The following MED16 variants were observed in gnomAD, a reference collection of about 807,000 sequenced individuals.
The protein encoded by MED16 is mediator of RNA polymerase II transcription subunit 16.
In MED16, 81 loss-of-function variants were observed where a neutral mutation model predicts 84.4. That is an observed-to-expected ratio of 0.96 (90% confidence interval 0.80 to 1.15). The LOEUF (loss-of-function observed/expected upper bound fraction) is 1.15, where lower values mean the gene tolerates loss of function less well. Ranked by LOEUF, MED16 falls within the 50% of genes most tolerant of loss-of-function variation. The pLI is 0.00. For synonymous variants in MED16, 897 were observed against 552.2 expected (o/e 1.62, Z -8.76); for missense variants, 1,585 against 1,245.9 (o/e 1.27, Z -4.10).
chr19:872,739 C>G (rs926528198), intron 11 of MED16, among the ~76,000 whole-genome samples: 15 of 151,596 alleles, frequency 9.9e-5, no homozygotes, highest in African/African-American at 3.6e-4. Flanking sequence ...GACTTGATTT[C>G]AAGGCCGCCC....
chr19:868,140 G>A lies in MED16; in HGVS notation c.2595C>T (p.Pro865=), dbSNP rs1383568907. The change falls in exon 16 of 16, where the codon CCC becomes CCT. Residue 865 remains proline (P), a synonymous_variant. Coordinates refer to ENST00000325464, the MANE Select transcript of MED16 (RefSeq NM_005481.3). ...PQSTHHSPRT[P]RSLDHLHPED... Reference sequence around the variant, plus strand: ...CTGGATGCAGATGGTCCAGGGATCTGGGGGTCCTGGGAGAGTGGTGTGTGG... The same window carrying A: ...CTGGATGCAGATGGTCCAGGGATCTAGGGGTCCTGGGAGAGTGGTGTGTGG... 6 of 1,611,280 alleles carry A rather than the reference G, an allele frequency of 3.7e-6. No individual in the cohort carries two copies. Among genetic ancestry groups the A allele is most frequent in the Non-Finnish European group, 4.2e-6 (5 of 1,179,274 alleles).
At chr19:884,175 G>A (rs543433916) in intron 6 of MED16, among the ~76,000 whole-genome samples, 5 of 152,276 alleles carry the variant, frequency 3.3e-5, no homozygotes, top group Non-Finnish European at 4.4e-5. Context: ...CTCATCTACC[G>A]GGAAAACATC....
At position 871,170 on chromosome 19, in the gene MED16, T is replaced by C; in HGVS notation, c.2182A>G (p.Ser728Gly). 1 of 1,549,092 alleles carries C rather than the reference T, an allele frequency of 6.5e-7. No homozygotes were observed. The highest frequency in any genetic ancestry group is 8.7e-7 in the Non-Finnish European group (1 of 1,146,100). Residue 728 changes from serine to glycine, a missense_variant, in exon 13 of 16, where the codon AGC (serine) becomes GGC (glycine). Ser to Gly is a moderately conservative substitution (Grantham distance 56). Transcript: ENST00000325464. ...TCGCTGGCTGGCAGCCAGTCCAGGC[T>C]GGGGATAAGCAGCTGGCTGGGCAGC... ...CLLPSQLLIP[S>G]LDWLPASDGL...
At chr19:880,210 G>A (rs1251879962) in intron 7 of MED16, 62 bp from the exon 8 acceptor site, 11 of 1,475,720 alleles carry the variant, frequency 7.5e-6, no homozygotes, top group Non-Finnish European at 7.2e-6. Flanking sequence ...CCGGGGGAGG[G>A]GCCTCCTGCT....
rs766152476 is a variant in MED16 at position 881,593 on chromosome 19, C to G, written c.1107G>C (p.Lys369Asn). ...GGTAGAACTGTGTGTCGCTGGCCAC[C>G]TTGAGGTCGGTGTTGGTGAGCGAGA... ...LPISLTNTDLKVASDTQFYPG... is the reference protein window; with the variant it reads ...LPISLTNTDLNVASDTQFYPG... The change falls in exon 7 of 16, where the codon AAG (lysine) becomes AAC (asparagine). Residue 369 changes from lysine to asparagine, a missense_variant. Physicochemically the swap from Lys to Asn is moderately conservative, Grantham distance 94. Transcript: ENST00000325464. 3 of 1,612,640 alleles carry G rather than the reference C, an allele frequency of 1.9e-6. No homozygotes were observed. Among genetic ancestry groups the G allele is most frequent in the Non-Finnish European group, 2.5e-6 (3 of 1,179,914 alleles).
intron 5 of MED16, 119 bp from the exon 6 acceptor site, chr19:885,127 G>A (rs911848220): frequency 2.4e-5 from 17 of 720,982 alleles, no homozygotes; most frequent in Non-Finnish European, 3.5e-5. Context: ...CTTCAGCCAC[G>A]CCTGCCCCTC....
intron 5 of MED16, among the ~76,000 whole-genome samples, chr19:885,320 T>C (rs2036503233): frequency 6.6e-6 from 1 of 152,080 alleles, no homozygotes; most frequent in Admixed American, 6.6e-5. Flanking sequence ...CCAGGCGACC[T>C]GGTGTGGTCG....
chr19:868,364 C>A, intron 15 of MED16, 52 bp downstream of exon 15: 2 of 1,547,838 alleles, frequency 1.3e-6, no homozygotes, highest in Admixed American at 1.7e-5. Flanking sequence ...AGCTGAGGGG[C>A]AGCTGGGCTC....
chr19:871,732 C>G (rs749338217), intron 12 of MED16, 194 bp downstream of exon 12: 24 of 791,862 alleles, frequency 3.0e-5, no homozygotes, highest in East Asian at 7.6e-5. Flanking sequence ...GCGGGGGGCT[C>G]AGGCAGGACT....
At chr19:870,227 G>A (rs1248974885) in intron 13 of MED16, among the ~76,000 whole-genome samples, 1 of 152,104 alleles carries the variant, frequency 6.6e-6, no homozygotes, top group African/African-American at 2.4e-5. Flanking sequence ...AGAGGCTAAG[G>A]CAGGGCGCCC....
chr19:879,921 T>A lies in MED16; in HGVS notation c.1353+16A>T, dbSNP rs1025766642. 6.3e-7 allele frequency: 1 copy of A among 1,579,196 alleles called. No individual in the cohort carries two copies. The highest frequency in any genetic ancestry group is 2.3e-5 in the East Asian group (1 of 43,412). ...AATGCCCACCAGCCCCGGCCCCACG[T>A]GCCCCAGCAGCTCACCTTCCCGTGG... On this transcript the variant is annotated intron_variant, in intron 8 of 15. Coordinates refer to ENST00000325464, the MANE Select transcript of MED16 (RefSeq NM_005481.3).
intron 13 of MED16, among the ~76,000 whole-genome samples, chr19:870,814 A>G (rs1318961861): frequency 5.4e-5 from 4 of 73,932 alleles, no homozygotes; most frequent in African/African-American, 1.1e-4. Context: ...ACATGGAGGG[A>G]GGGAGCCGTG....
At chr19:869,259 C>G (rs1442670205) in intron 13 of MED16, among the ~76,000 whole-genome samples, 1 of 152,136 alleles carries the variant, frequency 6.6e-6, no homozygotes, top group African/African-American at 2.4e-5. Context: ...GCCCGGGGAG[C>G]CTGAGGTGCA....
chr19:881,372 G>A (rs953619336), intron 7 of MED16, among the ~76,000 whole-genome samples, 187 bp downstream of exon 7: 44 of 152,294 alleles, frequency 2.9e-4, no homozygotes, highest in African/African-American at 1.0e-3. Flanking sequence ...GATCCCGAAA[G>A]ATGAGATCTG....
At position 882,567 on chromosome 19, in the gene MED16, G is replaced by A. The variant is rs565552344; in HGVS notation, c.986-853C>T. ...CAGTGGCCCAGAGAGCACGTGTGGG[G>A]GGTCCTGCTGTGGCTGCATGTGGGA... On this transcript the variant is annotated intron_variant, in intron 6 of 15. Transcript: ENST00000325464. Among the ~76,000 whole-genome samples the A allele has an allele frequency of 1.3e-3, 193 of 152,316 alleles. 2 individuals carry two copies. Among genetic ancestry groups the A allele is most frequent in the African/African-American group, 4.3e-3 (177 of 41,568 alleles).
intron 8 of MED16, among the ~76,000 whole-genome samples, chr19:879,625 G>A (rs1191075319): frequency 1.7e-5 from 2 of 120,822 alleles, no homozygotes; most frequent in East Asian, 2.5e-4. Context: ...CCCAAGCCCA[G>A]CCCCACGTGC....
At position 876,625 on chromosome 19, in the gene MED16, C is replaced by T. The variant is rs188944139; in HGVS notation, c.1560+349G>A. Among the ~76,000 whole-genome samples, 175 of 152,168 alleles carry T rather than the reference C, an allele frequency of 1.2e-3. 1 individual carries two copies. The highest frequency in any genetic ancestry group is 2.1e-3 in the Non-Finnish European group (146 of 67,954). On this transcript the variant is annotated intron_variant, in intron 9 of 15. Transcript: ENST00000325464. ...TGGACGGGCCTCTGGGAGCACACCCCACACGCAGCCTCACCTGCCACAGGC... is the reference window on the plus strand; with the variant it reads ...TGGACGGGCCTCTGGGAGCACACCCTACACGCAGCCTCACCTGCCACAGGC...
Position 881,545 on chromosome 19 carries a change from T to C in MED16, c.1141+14A>G, listed in dbSNP as rs753488360. On this transcript the variant is annotated intron_variant, in intron 7 of 15. Transcript: ENST00000325464. ...AACTGAGGCCCCGCGTGGCTGCCGC[T>C]GGCTCCACCGTACCGAGGCCAGGGT... 5 of 1,601,822 alleles carry C rather than the reference T, an allele frequency of 3.1e-6. No individual in the cohort carries two copies. The highest frequency in any genetic ancestry group is 3.4e-6 in the Non-Finnish European group (4 of 1,172,830).
chr19:871,490 A>C (rs1277478621), intron 12 of MED16: 5 of 1,476,038 alleles, frequency 3.4e-6, no homozygotes, highest in Middle Eastern at 1.7e-4. Context: ...TCCCTCATTC[A>C]CTTAAAAAGT....
Sources: gnomAD v4.1 joint callset for allele counts (sites outside exome capture counted in the v4.1 genomes callset) on GRCh38, gnomAD v4.1.1 for gene constraint, MANE v1.5 for transcripts, NCBI Gene and HGNC (gene_info 2026-07-23, HGNC 2026-07-21) for gene names.